DISP3: variants seen among roughly 807,000 people sequenced by gnomAD.
The protein encoded by DISP3 is protein dispatched homolog 3.
In DISP3, 101 loss-of-function variants were observed where a neutral mutation model predicts 135.3. The observed-to-expected ratio is 0.75, with a 90% CI of 0.64 to 0.88. The LOEUF is 0.88. DISP3 is among the 40% of genes least tolerant of loss of function. The probability of loss-of-function intolerance (pLI) is 0.00; values close to 1 mark genes in which losing one functional copy is unlikely to be tolerated. For synonymous variants in DISP3, 856 were observed against 817.0 expected, an observed-to-expected ratio of 1.05 and a Z score of -0.81; for missense variants, 1,713 against 1,878.6, an observed-to-expected ratio of 0.91 and a Z score of 1.63.
At chr1:11,494,777 A>G (rs191488294) in intron 1 of DISP3, among the ~76,000 whole-genome samples, 5 of 152,332 alleles carry the variant, frequency 3.3e-5, no homozygotes, top group African/African-American at 1.2e-4. Flanking sequence ...GTATATACAT[A>G]TACGTAGTTT....
In DISP3 at chr1:11,491,223, GA is replaced by G. The variant is rs1641173311; in HGVS notation, c.-3-9765del. Among the ~76,000 whole-genome samples, 1 of 152,168 alleles carries G rather than the reference GA, an allele frequency of 6.6e-6. No individual in the cohort carries two copies. Among genetic ancestry groups the G allele is most frequent in the East Asian group, 1.9e-4 (1 of 5,196 alleles). ...ATCAGTTGCTGGAGGGAGCCACTGG[GA>G]ACAGGGGAGGATGACCAGGGCAGCA... On this transcript the variant is annotated intron_variant, in intron 1 of 20. Transcript: ENST00000294484. This position sits in a 1 kb window ranked among gnomAD's most constrained non-coding sequence, Gnocchi z 4.3.
At chr1:11,522,274 CTTTA>C (rs1188455475) in intron 10 of DISP3, among the ~76,000 whole-genome samples, 2 of 152,122 alleles carry the variant, frequency 1.3e-5, no homozygotes, top group Admixed American at 6.5e-5. Context: ...CTGTCATTAC[CTTTA>C]TTTAATTAGG....
rs377109380 is a variant in DISP3 at position 11,526,380 on chromosome 1, C to T, written c.2614-271C>T. 1.6e-4 allele frequency among the ~76,000 whole-genome samples: 25 copies of T among 152,370 alleles called. No individual in the cohort carries two copies. The South Asian group carries it at 5.0e-3, about 30-fold the overall frequency. ...CCAAGAGGTCAGGGACCGTGCCCCT[C>T]AGAGCCTGGCACAGTGCCTGGCATG... On this transcript the variant is annotated intron_variant, in intron 12 of 20. Coordinates refer to ENST00000294484, the MANE Select transcript of DISP3 (RefSeq NM_020780.2).
chr1:11,524,110 C>T, intron 11 of DISP3, 55 bp downstream of exon 11: 1 of 1,310,344 alleles, frequency 7.6e-7, no homozygotes, highest in East Asian at 2.3e-5. Flanking sequence ...GGGTTGAAGG[C>T]CCTGTAAGGA....
chr1:11,519,905 C>T lies in DISP3; in HGVS notation c.2200+25C>T. 1 of 1,586,630 alleles carries T rather than the reference C, an allele frequency of 6.3e-7. No homozygotes were observed. Among genetic ancestry groups the T allele is most frequent in the Non-Finnish European group, 8.6e-7 (1 of 1,165,942 alleles). On this transcript the variant is annotated intron_variant, in intron 9 of 20. Transcript: ENST00000294484. This position sits in a 1 kb window ranked among gnomAD's most constrained non-coding sequence, Gnocchi z 4.3. ...GGTAAGTGGGCCCTCCGGCCCTGCC[C>T]CCTGTCTCACAGCTCCACCCCCAAA...
At position 11,501,655 on chromosome 1, in the gene DISP3, G is replaced by A; in HGVS notation, c.663G>A (p.Pro221=). The change falls in exon 2 of 21, where the codon CCG becomes CCA. Residue 221 remains proline, a synonymous_variant. Coordinates refer to ENST00000294484, the MANE Select transcript of DISP3 (RefSeq NM_020780.2). The surrounding 1 kb of genome is among the most constrained non-coding windows in gnomAD (Gnocchi z 4.9). ...TGGCAGCCAACCAGAGTGAAGACCC[G>A]CGAAACCAGCGGCTGAGCAAGAATG... ...EDLAANQSED[P]RNQRLSKNGR... The A allele has an allele frequency of 6.2e-7, 1 of 1,608,656 alleles. No homozygotes were observed. The highest frequency in any genetic ancestry group is 8.5e-7 in the Non-Finnish European group (1 of 1,178,178).
chr1:11,501,937 C>G lies in DISP3; in HGVS notation c.945C>G (p.Cys315Trp). 1 of 1,613,802 alleles carries G rather than the reference C, an allele frequency of 6.2e-7. No individual in the cohort carries two copies. The highest frequency in any genetic ancestry group is 8.5e-7 in the Non-Finnish European group (1 of 1,179,948). ...IMDHPGFREF[C>W]WKPHEVLKDL... ...ACCACCCAGGCTTCCGGGAGTTCTG[C>G]TGGAAGCCCCACGAGGTGCTCAAGG... Residue 315 changes from cysteine (C) to tryptophan (W), a missense_variant, in exon 2 of 21, where the codon TGC becomes TGG. Physicochemically the swap from Cys to Trp is radical, Grantham distance 215. Around this residue, in one of 2 missense-constraint regions of DISP3, gnomAD observed 571 missense variants for 494.1 expected, o/e 1.16. Transcript: ENST00000294484. This position sits in a 1 kb window ranked among gnomAD's most constrained non-coding sequence, Gnocchi z 4.9.
At position 11,523,941 on chromosome 1, in the gene DISP3, G is replaced by A. The variant is rs767653221; in HGVS notation, c.2363-1G>A. On this transcript the variant is annotated splice_acceptor_variant, in intron 10 of 20. Coordinates refer to ENST00000294484, the MANE Select transcript of DISP3 (RefSeq NM_020780.2). LOFTEE classifies it high-confidence loss of function. ...GTCCTTGACATGGCGCTGGGGGGCA[G>A]GTCTGTTCCAGGAGAAGCCCCACAG... is the stretch of plus-strand genomic sequence containing the variant. 1.2e-6 allele frequency: 2 copies of A among 1,611,246 alleles called. No individual in the cohort carries two copies. Among genetic ancestry groups the A allele is most frequent in the South Asian group, 2.2e-5 (2 of 90,984 alleles).
chr1:11,529,815 C>G lies in DISP3; in HGVS notation c.2958C>G (p.Phe986Leu). The G allele has an allele frequency of 6.2e-7, 1 of 1,613,832 alleles. No individual in the cohort carries two copies. The highest frequency in any genetic ancestry group is 1.7e-4 in the Middle Eastern group (1 of 6,058). ...KVPKARLSAT[F>L]GFNPCVNTGC... Reference sequence around the variant, plus strand: ...CCAAGGCCCGTCTCTCAGCCACCTTCGGCTTCAACCCCTGCGTGAACACGG... The same window carrying G: ...CCAAGGCCCGTCTCTCAGCCACCTTGGGCTTCAACCCCTGCGTGAACACGG... Residue 986 changes from phenylalanine to leucine, a missense_variant, in exon 15 of 21, where the codon TTC becomes TTG. Phe to Leu is a conservative substitution (Grantham distance 22, BLOSUM62 0). Transcript: ENST00000294484. This position sits in a 1 kb window ranked among gnomAD's most constrained non-coding sequence, Gnocchi z 4.7.
intron 1 of DISP3, among the ~76,000 whole-genome samples, chr1:11,500,059 C>T (rs1315858204): frequency 6.6e-6 from 1 of 152,262 alleles, no homozygotes; most frequent in African/African-American, 2.4e-5. Flanking sequence ...GGCTGCCCAG[C>T]CCTGCCCTCT....
chr1:11,532,531 T>C (rs918995220), intron 17 of DISP3, among the ~76,000 whole-genome samples: 6 of 152,154 alleles, frequency 3.9e-5, no homozygotes, highest in Admixed American at 2.0e-4. Flanking sequence ...TGTTACTCAT[T>C]GCACAACCAA....
In DISP3 at chr1:11,501,539, C is replaced by T. The variant is rs1641519874; in HGVS notation, c.547C>T (p.Pro183Ser). 1.9e-6 allele frequency: 3 copies of T among 1,594,660 alleles called. No homozygotes were observed. The highest frequency in any genetic ancestry group is 2.2e-5 in the East Asian group (1 of 44,650). ...RVIPAASLGG[P>S]GPYRDTSAAQ... ...CATCCCCGCGGCCTCACTCGGTGGC[C>T]CAGGCCCTTACCGGGACACTTCCGC... Residue 183 changes from proline to serine, a missense_variant, in exon 2 of 21, where the codon CCA (proline) becomes TCA (serine). Pro to Ser is a moderately conservative substitution (Grantham distance 74). Coordinates refer to ENST00000294484, the MANE Select transcript of DISP3 (RefSeq NM_020780.2). This position sits in a 1 kb window ranked among gnomAD's most constrained non-coding sequence, Gnocchi z 4.9.
At chr1:11,486,946 T>G (rs985556878) in intron 1 of DISP3, among the ~76,000 whole-genome samples, 1 of 152,212 alleles carries the variant, frequency 6.6e-6, no homozygotes, top group Non-Finnish European at 1.5e-5. Context: ...CCCACTGTGC[T>G]GGGGTGGCAG....
intron 1 of DISP3, among the ~76,000 whole-genome samples, chr1:11,484,493 C>T (rs754698563): frequency 2.0e-5 from 3 of 152,196 alleles, no homozygotes; most frequent in Non-Finnish European, 4.4e-5. Flanking sequence ...AGGAAGAACC[C>T]GGTGCAGCAT....
chr1:11,519,742 T>TC lies in DISP3; in HGVS notation c.2065dup (p.Leu689ProfsTer75), dbSNP rs1308822917. The TC allele has an allele frequency of 6.2e-7, 1 of 1,612,936 alleles. No homozygotes were observed. The highest frequency in any genetic ancestry group is 8.5e-7 in the Non-Finnish European group (1 of 1,180,002). ...AGTGTCACTGGAGCTGGGAGACGTG[T>TC]CCCTGGTGTCTGTGTCCCCCGAGGG... On this transcript the variant is annotated frameshift_variant, in exon 9 of 21. Coordinates refer to ENST00000294484, the MANE Select transcript of DISP3 (RefSeq NM_020780.2). LOFTEE classifies it high-confidence loss of function. This position sits in a 1 kb window ranked among gnomAD's most constrained non-coding sequence, Gnocchi z 4.3.
chr1:11,504,391 C>T (rs1373505386), intron 3 of DISP3, among the ~76,000 whole-genome samples: 3 of 152,220 alleles, frequency 2.0e-5, no homozygotes, highest in Admixed American at 6.5e-5. Flanking sequence ...GAGCCTTCTC[C>T]CTGCCTTATT....
chr1:11,520,138 C>A lies in DISP3; in HGVS notation c.2200+258C>A, dbSNP rs1642141692. On this transcript the variant is annotated intron_variant, in intron 9 of 20. Coordinates refer to ENST00000294484, the MANE Select transcript of DISP3 (RefSeq NM_020780.2). This position sits in a 1 kb window ranked among gnomAD's most constrained non-coding sequence, Gnocchi z 4.8. Reference sequence around the variant, plus strand: ...GCCACACATGGGCCCTGGAGTTAGACCCACTTGAGTCTGAGTCCCAGTTTG... The same window carrying A: ...GCCACACATGGGCCCTGGAGTTAGAACCACTTGAGTCTGAGTCCCAGTTTG... Among the ~76,000 whole-genome samples, 1 of 152,214 alleles carries A rather than the reference C, an allele frequency of 6.6e-6. No homozygotes were observed. The highest frequency in any genetic ancestry group is 2.4e-5 in the African/African-American group (1 of 41,444).
rs1182371638 is a variant in DISP3, at chr1:11,515,363, G to A, written c.1454-6G>A. 1.2e-6 allele frequency: 2 copies of A among 1,614,070 alleles called. No homozygotes were observed. Among genetic ancestry groups the A allele is most frequent in the East Asian group, 2.2e-5 (1 of 44,896 alleles). ...ACCGTCTCCCTGTGTCTCTTACCCT[G>A]CCCAGTGTTCCTGTCCTTCTTTGGG... On this transcript the variant is annotated splice_region_variant and splice_polypyrimidine_tract_variant and intron_variant, in intron 4 of 20. Coordinates refer to ENST00000294484, the MANE Select transcript of DISP3 (RefSeq NM_020780.2).
intron 3 of DISP3, among the ~76,000 whole-genome samples, chr1:11,509,038 G>A (rs185919326): frequency 1.5e-3 from 225 of 152,242 alleles, no homozygotes; most frequent in African/African-American, 5.3e-3. Context: ...AGTGTTTAAT[G>A]CTATAAAATT....
Sources: gnomAD v4.1 joint callset for allele counts (sites outside exome capture counted in the v4.1 genomes callset) on GRCh38, gnomAD v4.1.1 for gene constraint, gnomAD v4.1.1 regional missense constraint, Gnocchi (gnomAD v3.1) non-coding constraint, MANE v1.5 for transcripts, NCBI Gene and HGNC (gene_info 2026-07-23, HGNC 2026-07-21) for gene names.